Variants in TAFA1 observed in about 807,000 individuals in gnomAD.
The protein encoded by TAFA1 is TAFA chemokine like family member 1.
TAFA1 carries 4 observed loss-of-function variants against 18.5 expected under a neutral mutation model. That is an observed-to-expected ratio of 0.22 (90% CI 0.11 to 0.49). The LOEUF is 0.49. Among genes scored for constraint, TAFA1 ranks in the 20% least tolerant of loss-of-function variants. The probability of loss-of-function intolerance (pLI) is 0.98; values close to 1 mark genes in which losing one functional copy is unlikely to be tolerated. For missense variants in TAFA1, 147 were observed against 169.0 expected (o/e 0.87, Z 0.72); for synonymous variants, 56 against 55.2 (o/e 1.01, Z -0.06).
chr3:68,456,576 A>C (rs935384633), intron 3 of TAFA1, among the ~76,000 whole-genome samples: 58 of 152,334 alleles, frequency 3.8e-4, no homozygotes, highest in African/African-American at 1.4e-3. Flanking sequence ...CTCCAGGTTT[A>C]GATCTTTCAC....
chr3:68,323,676 G>A (rs1053003904), intron 2 of TAFA1, among the ~76,000 whole-genome samples: 1 of 152,138 alleles, frequency 6.6e-6, no homozygotes, highest in African/African-American at 2.4e-5. Flanking sequence ...TACAAATATT[G>A]TATATTCCTT....
At chr3:68,009,965 C>T (rs1050725184) in intron 2 of TAFA1, among the ~76,000 whole-genome samples, 1 of 152,138 alleles carries the variant, frequency 6.6e-6, no homozygotes, top group African/African-American at 2.4e-5. Flanking sequence ...AACATAATCT[C>T]ATTTTCTCAA....
intron 2 of TAFA1, among the ~76,000 whole-genome samples, chr3:68,110,642 AC>A (rs1187870692): frequency 6.6e-6 from 1 of 152,160 alleles, no homozygotes; most frequent in Admixed American, 6.6e-5. Context: ...TATTTAGGTC[AC>A]ACAATGCAGA....
At chr3:68,023,685 A>C (rs1399607845) in intron 2 of TAFA1, among the ~76,000 whole-genome samples, 1 of 152,042 alleles carries the variant, frequency 6.6e-6, no homozygotes, top group Non-Finnish European at 1.5e-5. Flanking sequence ...ATGTTGTATC[A>C]GTTTACTCAG....
At chr3:68,017,507 G>C (rs1704594787) in intron 2 of TAFA1, among the ~76,000 whole-genome samples, 1 of 152,160 alleles carries the variant, frequency 6.6e-6, no homozygotes, top group African/African-American at 2.4e-5. Context: ...TCAAATGATT[G>C]ACACTGGCAT....
chr3:68,320,096 G>A (rs980438420), intron 2 of TAFA1, among the ~76,000 whole-genome samples: 11 of 152,190 alleles, frequency 7.2e-5, no homozygotes, highest in Admixed American at 3.3e-4. Flanking sequence ...CATTTGAGGT[G>A]AGGGTAGAAT....
chr3:68,079,625 G>A (rs972551272), intron 2 of TAFA1, among the ~76,000 whole-genome samples: 1 of 152,164 alleles, frequency 6.6e-6, no homozygotes, highest in African/African-American at 2.4e-5. Context: ...GAGCGGTTTT[G>A]AGTGAGATTC....
At chr3:68,381,713 C>A (rs982175975) in intron 2 of TAFA1, among the ~76,000 whole-genome samples, 8 of 152,158 alleles carry the variant, frequency 5.3e-5, no homozygotes. Flanking sequence ...ATGTCATCTG[C>A]AAACAGGGAC....
At chr3:68,212,044 T>G (rs1454166381) in intron 2 of TAFA1, among the ~76,000 whole-genome samples, 1 of 151,856 alleles carries the variant, frequency 6.6e-6, no homozygotes, top group African/African-American at 2.4e-5. Context: ...ATAAAAGCAT[T>G]GAGATGGAAA....
chr3:68,033,893 A>G (rs1704990405), intron 2 of TAFA1, among the ~76,000 whole-genome samples: 2 of 152,158 alleles, frequency 1.3e-5, no homozygotes, highest in South Asian at 2.1e-4. Context: ...TTCACTTAGG[A>G]GTTTGGTGTA....
chr3:68,430,765 C>G lies in TAFA1; in HGVS notation c.259+13345C>G, dbSNP rs56020540. ...CTGTCACCTGAATGTCTCATTCACTCTCTACTCCCAACCGCTCACACTGCT... is the reference window on the plus strand; with the variant it reads ...CTGTCACCTGAATGTCTCATTCACTGTCTACTCCCAACCGCTCACACTGCT... On this transcript the variant is annotated intron_variant, in intron 3 of 4. Coordinates refer to ENST00000478136, the MANE Select transcript of TAFA1 (RefSeq NM_213609.4). Among the ~76,000 whole-genome samples the G allele has an allele frequency of 7.5e-3, 1,140 of 152,102 alleles. 7 individuals carry two copies. The highest frequency in any genetic ancestry group is 0.012 in the Non-Finnish European group (849 of 67,928).
intron 2 of TAFA1, among the ~76,000 whole-genome samples, chr3:68,273,704 G>T (rs2067723459): frequency 6.6e-6 from 1 of 152,120 alleles, no homozygotes; most frequent in African/African-American, 2.4e-5. Flanking sequence ...GAAGCTAGAA[G>T]ATCAGTTAGG....
chr3:68,326,172 T>C (rs1019912607), intron 2 of TAFA1, among the ~76,000 whole-genome samples: 2 of 152,348 alleles, frequency 1.3e-5, no homozygotes, highest in Admixed American at 1.3e-4. Context: ...TTATTTTTAC[T>C]TGACAAACAA....
chr3:68,438,263 TG>T, intron 3 of TAFA1, among the ~76,000 whole-genome samples: 1 of 151,954 alleles, frequency 6.6e-6, no homozygotes, highest in Non-Finnish European at 1.5e-5. Context: ...GAGGCTAAGG[TG>T]GAAGTTTTGC....
chr3:68,342,311 T>C (rs1376105713), intron 2 of TAFA1, among the ~76,000 whole-genome samples: 1 of 152,212 alleles, frequency 6.6e-6, no homozygotes, highest in Non-Finnish European at 1.5e-5. Flanking sequence ...ACAAAGTGCT[T>C]GTCCAGTTGG....
chr3:68,459,616 A>T (rs903242949), intron 3 of TAFA1, among the ~76,000 whole-genome samples: 2 of 152,250 alleles, frequency 1.3e-5, no homozygotes, highest in Non-Finnish European at 2.9e-5. Context: ...TACTAGTTTT[A>T]TGGGAGCTGA....
At chr3:68,249,256 C>T (rs1416197555) in intron 2 of TAFA1, among the ~76,000 whole-genome samples, 1 of 152,146 alleles carries the variant, frequency 6.6e-6, no homozygotes, top group Non-Finnish European at 1.5e-5. Flanking sequence ...CTCCCCTAGT[C>T]CCTGACTCTG....
chr3:68,342,883 T>C (rs2069107744), intron 2 of TAFA1, among the ~76,000 whole-genome samples: 1 of 152,242 alleles, frequency 6.6e-6, no homozygotes, highest in African/African-American at 2.4e-5. Flanking sequence ...ACTATAATTT[T>C]ACTTTATACA....
At chr3:68,252,479 C>G (rs756386104) in intron 2 of TAFA1, among the ~76,000 whole-genome samples, 14 of 152,172 alleles carry the variant, frequency 9.2e-5, no homozygotes, top group Non-Finnish European at 1.8e-4. Flanking sequence ...CATGGTCCCA[C>G]AAAGCTGAAG....
Sources: allele counts gnomAD v4.1 joint callset (sites outside exome capture counted in the v4.1 genomes callset), GRCh38; gene constraint gnomAD v4.1.1; transcripts MANE v1.5; gene names NCBI Gene and HGNC (gene_info 2026-07-23, HGNC 2026-07-21).